EGFLAM: variants seen among roughly 807,000 people sequenced by gnomAD.
The protein encoded by EGFLAM is EGF like, fibronectin type III and laminin G domains.
EGFLAM carries 79 observed loss-of-function variants against 113.1 expected under a neutral mutation model. The observed-to-expected ratio is 0.70, with a 90% CI of 0.58 to 0.84. The LOEUF is 0.84. EGFLAM is among the 40% of genes least tolerant of loss of function. The pLI is 0.00. For synonymous variants in EGFLAM, 504 were observed against 487.6 expected (o/e 1.03, Z -0.44); for missense variants, 1,265 against 1,291.6 (o/e 0.98, Z 0.32).
At chr5:38,350,976 G>C (rs1442321569) in intron 4 of EGFLAM, among the ~76,000 whole-genome samples, 2 of 152,148 alleles carry the variant, frequency 1.3e-5, no homozygotes, top group Admixed American at 1.3e-4. Flanking sequence ...TAGGCAAAGA[G>C]AATGCAACTA....
At chr5:38,307,297 T>A (rs1439624561) in intron 1 of EGFLAM, among the ~76,000 whole-genome samples, 3 of 152,200 alleles carry the variant, frequency 2.0e-5, no homozygotes, top group Non-Finnish European at 4.4e-5. Flanking sequence ...CATCTTGAAT[T>A]GTAGTTCCCA....
At chr5:38,328,753 T>C (rs1204261415) in intron 1 of EGFLAM, among the ~76,000 whole-genome samples, 8 of 147,012 alleles carry the variant, frequency 5.4e-5, no homozygotes, top group African/African-American at 1.7e-4. Flanking sequence ...TTGCAAATTG[T>C]CTCTTCATAT....
intron 6 of EGFLAM, among the ~76,000 whole-genome samples, chr5:38,396,502 C>G (rs371572673): frequency 1.3e-5 from 2 of 152,332 alleles, no homozygotes; most frequent in Non-Finnish European, 2.9e-5. Context: ...AGATTTGGCT[C>G]GTATAGAAAA....
chr5:38,350,204 G>A (rs371741054), intron 3 of EGFLAM, among the ~76,000 whole-genome samples: 1 of 152,134 alleles, frequency 6.6e-6, no homozygotes, highest in Non-Finnish European at 1.5e-5. Context: ...TTCCAGCAAC[G>A]TAGTACTTTG....
chr5:38,331,621 C>T (rs1048888584), intron 1 of EGFLAM, among the ~76,000 whole-genome samples: 3 of 152,124 alleles, frequency 2.0e-5, no homozygotes, highest in African/African-American at 7.2e-5. Context: ...TTTTATGGGA[C>T]TGATATATCA....
intron 14 of EGFLAM, among the ~76,000 whole-genome samples, chr5:38,428,352 G>A (rs955973152): frequency 1.3e-5 from 2 of 152,184 alleles, no homozygotes; most frequent in African/African-American, 4.8e-5. Context: ...AAAAAGGATG[G>A]TTTGTTTTTG....
intron 11 of EGFLAM, among the ~76,000 whole-genome samples, chr5:38,413,727 T>G (rs889642680): frequency 6.6e-6 from 1 of 152,156 alleles, no homozygotes; most frequent in Non-Finnish European, 1.5e-5. Flanking sequence ...TCCTCTCTAC[T>G]CTTTGCCAGC....
intron 11 of EGFLAM, among the ~76,000 whole-genome samples, chr5:38,416,625 C>T (rs75564962): frequency 0.015 from 2,225 of 152,304 alleles, 30 homozygotes; most frequent in Non-Finnish European, 0.022. Flanking sequence ...CTACAAGGCA[C>T]TTTATGCTCT....
intron 16 of EGFLAM, among the ~76,000 whole-genome samples, chr5:38,436,421 A>G (rs186438991): frequency 1.5e-4 from 23 of 152,226 alleles, no homozygotes; most frequent in Admixed American, 1.5e-3. Context: ...GGCCCCTGGT[A>G]CTGTGACCAT....
Position 38,425,094 on chromosome 5 carries a change from T to A in EGFLAM, c.1810+2T>A. Reference sequence around the variant, plus strand: ...TTAAAGGTCGACACTGTGAAGATGGTGAGAAAGAAGCAAGTTGAAGGCGGT... The same window carrying A: ...TTAAAGGTCGACACTGTGAAGATGGAGAGAAAGAAGCAAGTTGAAGGCGGT... On this transcript the variant is annotated splice_donor_variant, in intron 13 of 21. Transcript: ENST00000322350. LOFTEE classifies it high-confidence loss of function. 6.2e-7 allele frequency: 1 copy of A among 1,612,894 alleles called. No homozygotes were observed. Among genetic ancestry groups the A allele is most frequent in the Non-Finnish European group, 8.5e-7 (1 of 1,179,286 alleles).
intron 12 of EGFLAM, among the ~76,000 whole-genome samples, chr5:38,420,603 G>A (rs766281490): frequency 6.6e-5 from 10 of 152,206 alleles, no homozygotes; most frequent in East Asian, 1.9e-4. Flanking sequence ...TTTGCACATC[G>A]CAAACATTTC....
intron 6 of EGFLAM, among the ~76,000 whole-genome samples, chr5:38,381,014 G>A (rs1411635158): frequency 6.6e-6 from 1 of 152,186 alleles, no homozygotes; most frequent in Non-Finnish European, 1.5e-5. Context: ...CATGGCCTCA[G>A]AATGTGCAAC....
chr5:38,313,182 T>C (rs1738501817), intron 1 of EGFLAM, among the ~76,000 whole-genome samples: 1 of 152,226 alleles, frequency 6.6e-6, no homozygotes, highest in South Asian at 2.1e-4. Context: ...TAATCTTTTC[T>C]GATTTTTTTA....
intron 3 of EGFLAM, among the ~76,000 whole-genome samples, chr5:38,348,067 A>T (rs1326080152): frequency 6.6e-6 from 1 of 151,162 alleles, no homozygotes; most frequent in Admixed American, 6.6e-5. Context: ...AGAGAGAGAG[A>T]GAGAAGGCAA....
Position 38,352,326 on chromosome 5 carries a change from C to A in EGFLAM, c.540C>A (p.Phe180Leu). Reference protein sequence around the residue: ...SAPIQYYSVEFIRPDFDKKWT... With the variant: ...SAPIQYYSVELIRPDFDKKWT... ...CTATTCAGTACTATTCTGTGGAATT[C>A]ATCAGGTAAGTCTGTATGTCACATT... The change falls in exon 5 of 22, where the codon TTC becomes TTA. Residue 180 changes from phenylalanine (F) to leucine (L), a missense_variant. Coordinates refer to ENST00000322350, the MANE Select transcript of EGFLAM (RefSeq NM_152403.4). 1 of 1,613,940 alleles carries A rather than the reference C, an allele frequency of 6.2e-7. No individual in the cohort carries two copies. The highest frequency in any genetic ancestry group is 1.6e-4 in the Middle Eastern group (1 of 6,062).
intron 15 of EGFLAM, among the ~76,000 whole-genome samples, chr5:38,431,708 A>AC (rs1742194731): frequency 6.6e-6 from 1 of 152,164 alleles, no homozygotes; most frequent in Admixed American, 6.5e-5. Context: ...AATCTGGCTC[A>AC]ATTACTTACC....
intron 1 of EGFLAM, among the ~76,000 whole-genome samples, chr5:38,304,357 T>G (rs1758671974): frequency 6.6e-6 from 1 of 152,086 alleles, no homozygotes; most frequent in Non-Finnish European, 1.5e-5. Context: ...GGCAATCCCC[T>G]CCCTCTTCCC....
At chr5:38,265,826 T>G (rs1001469749) in intron 1 of EGFLAM, among the ~76,000 whole-genome samples, 3 of 152,222 alleles carry the variant, frequency 2.0e-5, no homozygotes, top group Admixed American at 2.0e-4. Context: ...ATTTTTAGAG[T>G]GCAATCCAGG....
intron 1 of EGFLAM, among the ~76,000 whole-genome samples, chr5:38,261,911 T>C (rs1198534590): frequency 6.6e-6 from 1 of 152,132 alleles, no homozygotes; most frequent in Non-Finnish European, 1.5e-5. Context: ...CTACAGTACC[T>C]GAGGGTAGAA....
Sources: gnomAD v4.1 joint callset for allele counts (sites outside exome capture counted in the v4.1 genomes callset) on GRCh38, gnomAD v4.1.1 for gene constraint, MANE v1.5 for transcripts, NCBI Gene and HGNC (gene_info 2026-07-23, HGNC 2026-07-21) for gene names.